Variants in ARHGAP26 observed in about 807,000 individuals in gnomAD.
ARHGAP26 encodes the protein Rho GTPase activating protein 26.
Under a neutral mutation model 104.8 loss-of-function variants are expected in ARHGAP26, and 38 were observed. That is an observed-to-expected ratio of 0.36 (90% CI 0.28 to 0.48). The LOEUF is 0.48. ARHGAP26 is among the 20% of genes least tolerant of loss of function. The pLI is 0.99. For missense variants in ARHGAP26, 704 were observed against 947.9 expected, an observed-to-expected ratio of 0.74 and a Z score of 3.38; for synonymous variants, 341 against 340.0, an observed-to-expected ratio of 1.00 and a Z score of -0.03.
At chr5:143,160,452 C>T (rs258795) in intron 20 of ARHGAP26, among the ~76,000 whole-genome samples, 34,129 of 150,196 alleles carry the variant, frequency 0.23, 4,437 homozygotes, top group East Asian at 0.4. Context: ...AAGGCCTTTA[C>T]CAAGAAGTTG....
chr5:143,013,518 G>C (rs538437494), intron 11 of ARHGAP26, among the ~76,000 whole-genome samples: 1 of 152,148 alleles, frequency 6.6e-6, no homozygotes, highest in Non-Finnish European at 1.5e-5. Context: ...ATTTCTAGAA[G>C]TATGTAGAGT....
At chr5:143,065,984 C>T (rs1004782050) in intron 17 of ARHGAP26, among the ~76,000 whole-genome samples, 2 of 152,124 alleles carry the variant, frequency 1.3e-5, no homozygotes, top group Non-Finnish European at 2.9e-5. Flanking sequence ...CCGCCTCATT[C>T]CCCCAAGAAT....
intron 11 of ARHGAP26, among the ~76,000 whole-genome samples, chr5:142,977,435 T>C (rs1195384161): frequency 2.6e-5 from 4 of 151,878 alleles, no homozygotes; most frequent in African/African-American, 9.7e-5. Context: ...AAAACAACAG[T>C]GGAAGAATCC....
intron 20 of ARHGAP26, among the ~76,000 whole-genome samples, chr5:143,174,790 A>G (rs1354464177): frequency 6.6e-6 from 1 of 152,220 alleles, no homozygotes; most frequent in African/African-American, 2.4e-5. Context: ...ATCATAGGTA[A>G]TTGGAACCCT....
chr5:142,883,905 T>C (rs1231510443), intron 4 of ARHGAP26, among the ~76,000 whole-genome samples: 1 of 152,234 alleles, frequency 6.6e-6, no homozygotes, highest in Non-Finnish European at 1.5e-5. Flanking sequence ...ACCATTTTTG[T>C]CTTGTATTTC....
At chr5:142,891,911 G>C (rs1239982461) in intron 5 of ARHGAP26, among the ~76,000 whole-genome samples, 2 of 151,922 alleles carry the variant, frequency 1.3e-5, no homozygotes, top group Non-Finnish European at 2.9e-5. Context: ...TTATGGAAAG[G>C]TTTAGAGCTT....
At chr5:143,005,928 G>A (rs1562246005) in intron 11 of ARHGAP26, among the ~76,000 whole-genome samples, 1 of 152,132 alleles carries the variant, frequency 6.6e-6, no homozygotes. Context: ...TAGGGGAAGG[G>A]ACTCGGCACC....
intron 1 of ARHGAP26, among the ~76,000 whole-genome samples, chr5:142,799,191 GT>G (rs58252516): frequency 9.5e-5 from 14 of 147,238 alleles, no homozygotes; most frequent in East Asian, 5.9e-4. Context: ...ACTGTGGTGG[GT>G]TTTTTTTTTG....
chr5:143,010,117 A>C (rs1778539712), intron 11 of ARHGAP26, among the ~76,000 whole-genome samples: 1 of 152,228 alleles, frequency 6.6e-6, no homozygotes, highest in African/African-American at 2.4e-5. Context: ...AGGATAGCCC[A>C]GAGCAGACTG....
chr5:142,817,773 C>A (rs532221681), intron 1 of ARHGAP26, among the ~76,000 whole-genome samples: 197 of 152,254 alleles, frequency 1.3e-3, no homozygotes, highest in African/African-American at 4.4e-3. Flanking sequence ...GCCCCTGCTG[C>A]AGTGATGGTG....
At chr5:142,867,288 GGTGTGTGTGTGTGTGT>G (rs70991782) in intron 1 of ARHGAP26, among the ~76,000 whole-genome samples, 8 of 143,698 alleles carry the variant, frequency 5.6e-5, no homozygotes, top group South Asian at 2.2e-4. Context: ...ATTTGCACAG[GGTGTGTGTGTGTGTGT>G]GTGTGTGTGT....
chr5:143,104,912 G>C (rs1472769859), intron 17 of ARHGAP26, among the ~76,000 whole-genome samples: 1 of 152,134 alleles, frequency 6.6e-6, no homozygotes, highest in Non-Finnish European at 1.5e-5. Flanking sequence ...ATAACATTTA[G>C]TTATTTCTGG....
In ARHGAP26 at chr5:143,124,971, A is replaced by G. The variant is rs538158650; in HGVS notation, c.1698+3824A>G. ...TTTTCCGCCTCCTCTCTGCATTGCCATTTTTTATTCAACCAGGAGCCTCAG... is the reference window on the plus strand; with the variant it reads ...TTTTCCGCCTCCTCTCTGCATTGCCGTTTTTTATTCAACCAGGAGCCTCAG... On this transcript the variant is annotated intron_variant, in intron 18 of 22. Transcript: ENST00000645722. Among the ~76,000 whole-genome samples the G allele has an allele frequency of 3.5e-3, 529 of 152,284 alleles. 4 individuals are homozygous for G. Among genetic ancestry groups the G allele is most frequent in the African/African-American group, 0.012 (504 of 41,560 alleles).
At chr5:142,815,123 C>T (rs1764846689) in intron 1 of ARHGAP26, among the ~76,000 whole-genome samples, 2 of 152,202 alleles carry the variant, frequency 1.3e-5, no homozygotes, top group African/African-American at 2.4e-5. Context: ...GCCTCAGCCT[C>T]CCAAGTAGCT....
At chr5:142,873,250 A>G (rs1755592060) in intron 1 of ARHGAP26, 150 bp from the exon 2 acceptor site, 2 of 599,658 alleles carry the variant, frequency 3.3e-6, no homozygotes, top group Non-Finnish European at 5.8e-6. Flanking sequence ...AGTGTTGACT[A>G]TTTTGAATTT....
chr5:143,086,488 A>G (rs911508891), intron 17 of ARHGAP26, among the ~76,000 whole-genome samples: 1 of 152,218 alleles, frequency 6.6e-6, no homozygotes, highest in African/African-American at 2.4e-5. Flanking sequence ...TTAGTGTATC[A>G]TGTAAGCAAG....
At chr5:143,003,811 A>G (rs1176387445) in intron 11 of ARHGAP26, among the ~76,000 whole-genome samples, 1 of 152,192 alleles carries the variant, frequency 6.6e-6, no homozygotes, top group Non-Finnish European at 1.5e-5. Context: ...TGCAATGAGA[A>G]AGCAGACTCG....
intron 1 of ARHGAP26, among the ~76,000 whole-genome samples, chr5:142,839,415 G>A (rs940804119): frequency 5.9e-5 from 9 of 151,910 alleles, no homozygotes; most frequent in African/African-American, 1.2e-4. Flanking sequence ...TGTACAGAGC[G>A]GTCATATAAC....
chr5:142,996,641 G>C (rs1228749287), intron 11 of ARHGAP26, among the ~76,000 whole-genome samples: 1 of 152,102 alleles, frequency 6.6e-6, no homozygotes, highest in Non-Finnish European at 1.5e-5. Context: ...CTATTGTCTT[G>C]AGAAACCCTT....
Sources: gnomAD v4.1 joint callset for allele counts (sites outside exome capture counted in the v4.1 genomes callset) on GRCh38, gnomAD v4.1.1 for gene constraint, MANE v1.5 for transcripts, NCBI Gene and HGNC (gene_info 2026-07-23, HGNC 2026-07-21) for gene names.